Variants in PCDHGB2 observed in about 807,000 individuals in gnomAD.
The protein encoded by PCDHGB2 is protocadherin gamma subfamily B, 2, also known as protocadherin gamma-B2.
Under a neutral mutation model 59.3 loss-of-function variants are expected in PCDHGB2, and 55 were observed. The ratio of observed to expected loss-of-function variants is 0.93; its 90% CI spans 0.75 to 1.16. The LOEUF (loss-of-function observed/expected upper bound fraction) is 1.16. PCDHGB2 is among the 50% of genes most tolerant of loss of function. PCDHGB2 has a pLI of 0.00. For missense variants in PCDHGB2, 1,228 were observed against 1,198.5 expected, an observed-to-expected ratio of 1.02 and a Z score of -0.36; for synonymous variants, 516 against 512.0, an observed-to-expected ratio of 1.01 and a Z score of -0.11.
Position 141,385,070 on chromosome 5 carries a change from T to C in PCDHGB2, c.2421+22514T>C, listed in dbSNP as rs766950021. 28 of 1,614,094 alleles carry C rather than the reference T, an allele frequency of 1.7e-5. No individual in the cohort carries two copies. In the South Asian group the frequency reaches 3.0e-4, roughly 17 times the overall value. ...CTGCGGCGCTGGCACAAGTCACGCC[T>C]GCTGCAGGCTTCAGAAGGTGGCTTG... On this transcript the variant is annotated intron_variant, in intron 1 of 3. Coordinates refer to ENST00000522605, the MANE Select transcript of PCDHGB2 (RefSeq NM_018923.3).
intron 1 of PCDHGB2, among the ~76,000 whole-genome samples, chr5:141,470,664 G>A (rs1308061207): frequency 6.6e-6 from 1 of 151,882 alleles, no homozygotes; most frequent in Non-Finnish European, 1.5e-5. Context: ...CTTTGGTTAG[G>A]GCTCTGCTGT....
At chr5:141,415,638 T>G in intron 1 of PCDHGB2, 1 of 1,598,954 alleles carries the variant, frequency 6.3e-7, no homozygotes, top group Non-Finnish European at 8.5e-7. Flanking sequence ...TTTTTACTTT[T>G]GTTAAAAAAA....
chr5:141,477,775 G>T lies in PCDHGB2; in HGVS notation c.2422-17032G>T. 2 of 1,614,046 alleles carry T rather than the reference G, an allele frequency of 1.2e-6. No individual in the cohort carries two copies. The highest frequency in any genetic ancestry group is 2.7e-5 in the African/African-American group (2 of 75,052). On this transcript the variant is annotated intron_variant, in intron 1 of 3. Transcript: ENST00000522605. The surrounding 1 kb of genome is among the most constrained non-coding windows in gnomAD (Gnocchi z 4.9). ...CGGTCCTAGCCACCAACATCAGCGT[G>T]AACATATTTGTCACTGATCGCAATG...
intron 1 of PCDHGB2, chr5:141,391,631 G>C (rs913626630): frequency 6.6e-6 from 1 of 152,170 alleles, no homozygotes; most frequent in African/African-American, 2.4e-5. Flanking sequence ...GAAAGTTTTA[G>C]TCAGTGAAAA....
chr5:141,414,684 AC>A (rs1561750824), intron 1 of PCDHGB2: 1 of 1,613,924 alleles, frequency 6.2e-7, no homozygotes, highest in Admixed American at 1.7e-5. Flanking sequence ...TCCAGGGGGT[AC>A]CTCTGTCCTC....
At chr5:141,394,545 G>A in intron 1 of PCDHGB2, 1 of 1,614,164 alleles carries the variant, frequency 6.2e-7, no homozygotes, top group South Asian at 1.1e-5. Flanking sequence ...CGTGGAGCTG[G>A]CGCCCCGCTC....
intron 1 of PCDHGB2, chr5:141,399,754 A>G: frequency 6.2e-7 from 1 of 1,613,326 alleles, no homozygotes; most frequent in Non-Finnish European, 8.5e-7. Flanking sequence ...CGCAAACGTG[A>G]GCCTGCGCGT....
intron 1 of PCDHGB2, among the ~76,000 whole-genome samples, chr5:141,442,700 TA>T (rs2098337605): frequency 6.6e-6 from 1 of 152,198 alleles, no homozygotes; most frequent in Non-Finnish European, 1.5e-5. Flanking sequence ...CAGACAAGAG[TA>T]TCAGACATGC....
chr5:141,371,809 C>T lies in PCDHGB2; in HGVS notation c.2421+9253C>T, dbSNP rs1768063576. The T allele has an allele frequency of 2.5e-6, 4 of 1,613,910 alleles. No homozygotes were observed. In the East Asian group the frequency reaches 6.7e-5, roughly 27 times the overall value. ...AACAATCCGCCTGGAGCCTCCATTG[C>T]GCATGTCAGAGCCTCGGATCCCGAC... is the stretch of plus-strand genomic sequence containing the variant. On this transcript the variant is annotated intron_variant, in intron 1 of 3. Transcript: ENST00000522605.
intron 1 of PCDHGB2, chr5:141,403,779 A>G: frequency 6.2e-7 from 1 of 1,613,970 alleles, no homozygotes; most frequent in Non-Finnish European, 8.5e-7. Context: ...ATCAACGGAA[A>G]AGTGGCATAC....
At chr5:141,467,455 GCTAGTA>G (rs2099144342) in intron 1 of PCDHGB2, among the ~76,000 whole-genome samples, 1 of 152,192 alleles carries the variant, frequency 6.6e-6, no homozygotes, top group African/African-American at 2.4e-5. Context: ...TTCTTCCAGT[GCTAGTA>G]CTTGCATGGT....
intron 1 of PCDHGB2, chr5:141,371,109 C>A (rs781398183): frequency 6.2e-7 from 1 of 1,613,836 alleles, no homozygotes; most frequent in South Asian, 1.1e-5. Context: ...AAATGATAAC[C>A]CCCCAGTATT....
chr5:141,382,899 T>A, intron 1 of PCDHGB2: 1 of 1,541,826 alleles, frequency 6.5e-7, no homozygotes. Context: ...GCAGGACGAC[T>A]ATGGCGGCTC....
At chr5:141,413,318 T>C in intron 1 of PCDHGB2, 1 of 1,613,968 alleles carries the variant, frequency 6.2e-7, no homozygotes, top group Non-Finnish European at 8.5e-7. Flanking sequence ...AAAGGCTCTT[T>C]CGTGGGCAAC....
At chr5:141,468,953 T>G (rs182999574) in intron 1 of PCDHGB2, among the ~76,000 whole-genome samples, 1,938 of 89,156 alleles carry the variant, frequency 0.022, 22 homozygotes, top group Non-Finnish European at 0.033. Flanking sequence ...AAACCTGTGG[T>G]TTTTTTTACC....
intron 1 of PCDHGB2, among the ~76,000 whole-genome samples, chr5:141,460,646 C>T (rs1001365023): frequency 2.0e-5 from 3 of 151,954 alleles, no homozygotes; most frequent in African/African-American, 7.3e-5. Context: ...ACTGTGTTTA[C>T]ACATATGTAA....
intron 1 of PCDHGB2, chr5:141,384,712 T>C (rs1479257673): frequency 6.2e-7 from 1 of 1,614,074 alleles, no homozygotes; most frequent in Admixed American, 1.7e-5. Flanking sequence ...CGCCTGGCTG[T>C]CATACCTCCT....
chr5:141,463,548 A>C (rs2099063677), intron 1 of PCDHGB2, among the ~76,000 whole-genome samples: 1 of 140,798 alleles, frequency 7.1e-6, no homozygotes, highest in Non-Finnish European at 1.5e-5. Context: ...TCCCGGGTTC[A>C]TGCCATTCTC....
chr5:141,389,491 G>C, intron 1 of PCDHGB2: 1 of 1,612,994 alleles, frequency 6.2e-7, no homozygotes, highest in Non-Finnish European at 8.5e-7. Context: ...CGCGACCAGG[G>C]CTCGCCAGCG....
Sources: allele counts gnomAD v4.1 joint callset (sites outside exome capture counted in the v4.1 genomes callset), GRCh38; gene constraint gnomAD v4.1.1; non-coding constraint Gnocchi (gnomAD v3.1); transcripts MANE v1.5; gene names NCBI Gene and HGNC (gene_info 2026-07-23, HGNC 2026-07-21).